MAD1L1: variants seen among roughly 807,000 people sequenced by gnomAD.
The protein encoded by MAD1L1 is mitotic spindle assembly checkpoint protein MAD1.
In MAD1L1, 95 loss-of-function variants were observed where a neutral mutation model predicts 96.9. The observed-to-expected ratio is 0.98, with a 90% CI of 0.83 to 1.16. The LOEUF (loss-of-function observed/expected upper bound fraction) is 1.16. Ranked by LOEUF, MAD1L1 falls within the 50% of genes most tolerant of loss-of-function variation. MAD1L1 has a pLI of 0.00. For synonymous variants in MAD1L1, 473 were observed against 396.6 expected (o/e 1.19, Z -2.29); for missense variants, 1,007 against 954.4 (o/e 1.06, Z -0.73).
At chr7:2,079,271 A>G (rs978458023) in intron 11 of MAD1L1, among the ~76,000 whole-genome samples, 11 of 152,242 alleles carry the variant, frequency 7.2e-5, no homozygotes, top group African/African-American at 2.7e-4. Flanking sequence ...GCCCCAGGAC[A>G]TCAGGCTCAG....
At chr7:2,138,646 C>T (rs912924100) in intron 11 of MAD1L1, among the ~76,000 whole-genome samples, 3 of 152,194 alleles carry the variant, frequency 2.0e-5, no homozygotes, top group Admixed American at 1.3e-4. Context: ...CAGCACCTCA[C>T]TCTGAGAACC....
At chr7:2,008,114 A>C (rs895932744) in intron 13 of MAD1L1, among the ~76,000 whole-genome samples, 1 of 152,340 alleles carries the variant, frequency 6.6e-6, no homozygotes, top group Non-Finnish European at 1.5e-5. Context: ...GGGGGATTTT[A>C]CTGAGTATAA....
intron 12 of MAD1L1, among the ~76,000 whole-genome samples, chr7:2,066,394 C>T (rs945719554): frequency 1.3e-5 from 2 of 152,224 alleles, no homozygotes; most frequent in African/African-American, 2.4e-5. Flanking sequence ...GCTGGCTGGA[C>T]GGATCCTGCA....
chr7:2,069,731 G>C (rs1330638043), intron 11 of MAD1L1, among the ~76,000 whole-genome samples: 2 of 152,210 alleles, frequency 1.3e-5, no homozygotes, highest in African/African-American at 4.8e-5. Context: ...CTGGTTGGGG[G>C]GCCTGTTCTA....
At chr7:2,136,540 G>A (rs758188356) in intron 11 of MAD1L1, among the ~76,000 whole-genome samples, 34 of 152,190 alleles carry the variant, frequency 2.2e-4, no homozygotes, top group Non-Finnish European at 1.2e-4. Flanking sequence ...GCACCAACTC[G>A]AGCTCAGGAT....
At chr7:1,952,450 G>A (rs905378378) in intron 16 of MAD1L1, among the ~76,000 whole-genome samples, 1 of 152,208 alleles carries the variant, frequency 6.6e-6, no homozygotes, top group South Asian at 2.1e-4. Context: ...TTCCTTTCAC[G>A]GACGGGAAGC....
At chr7:2,112,977 G>C (rs1787458942) in intron 11 of MAD1L1, among the ~76,000 whole-genome samples, 1 of 152,208 alleles carries the variant, frequency 6.6e-6, no homozygotes, top group South Asian at 2.1e-4. Context: ...CGAATCCGCA[G>C]AGCACTGGGT....
intron 12 of MAD1L1, among the ~76,000 whole-genome samples, chr7:2,059,887 G>A (rs1042258199): frequency 2.0e-5 from 3 of 152,154 alleles, no homozygotes; most frequent in African/African-American, 4.8e-5. Context: ...AAGACAACAT[G>A]AAAACTGCGT....
chr7:2,126,133 G>A (rs1046729709), intron 11 of MAD1L1, among the ~76,000 whole-genome samples: 7 of 152,222 alleles, frequency 4.6e-5, no homozygotes, highest in African/African-American at 1.4e-4. Context: ...CCTGTGAAGC[G>A]AGGGATGGCA....
At chr7:2,011,719 C>G (rs765396704) in intron 13 of MAD1L1, among the ~76,000 whole-genome samples, 22 of 152,200 alleles carry the variant, frequency 1.4e-4, no homozygotes, top group Non-Finnish European at 2.8e-4. Context: ...TCCACAGACC[C>G]CAGAGGGCAG....
intron 18 of MAD1L1, among the ~76,000 whole-genome samples, chr7:1,819,633 T>TAAGCGCTGGTCCC (rs1483627388): frequency 6.6e-6 from 1 of 152,140 alleles, no homozygotes; most frequent in Non-Finnish European, 1.5e-5. Context: ...CTAGTCTTAC[T>TAAGCGCTGGTCCC]AAGCGCTGGT....
intron 10 of MAD1L1, among the ~76,000 whole-genome samples, chr7:2,210,884 T>C (rs1792905986): frequency 1.3e-5 from 2 of 151,434 alleles, no homozygotes; most frequent in Admixed American, 6.6e-5. Context: ...CACCAGCCCC[T>C]CTCCAACTCA....
chr7:2,031,927 T>C (rs1480750852), intron 12 of MAD1L1, among the ~76,000 whole-genome samples: 1 of 152,262 alleles, frequency 6.6e-6, no homozygotes, highest in Non-Finnish European at 1.5e-5. Context: ...GACGGGTTCC[T>C]TTCCTCTCTA....
At chr7:1,962,110 T>C (rs1272176519) in intron 15 of MAD1L1, among the ~76,000 whole-genome samples, 2 of 152,188 alleles carry the variant, frequency 1.3e-5, no homozygotes, top group African/African-American at 2.4e-5. Flanking sequence ...ATAGGGCGGT[T>C]TCCCCCATAC....
intron 16 of MAD1L1, among the ~76,000 whole-genome samples, chr7:1,937,506 G>A (rs1778678517): frequency 6.6e-6 from 1 of 152,128 alleles, no homozygotes. Context: ...GCTGACCTGT[G>A]GTGGGTGACC....
At chr7:2,066,486 C>T (rs1323853125) in intron 12 of MAD1L1, among the ~76,000 whole-genome samples, 1 of 152,252 alleles carries the variant, frequency 6.6e-6, no homozygotes, top group Non-Finnish European at 1.5e-5. Context: ...CGATCAATAC[C>T]CACCTTCTTG....
chr7:1,959,147 G>C (rs902725681), intron 15 of MAD1L1, among the ~76,000 whole-genome samples: 1 of 152,284 alleles, frequency 6.6e-6, no homozygotes, highest in Non-Finnish European at 1.5e-5. Context: ...AGCTCCTCAG[G>C]AGGCTGAGGC....
At chr7:2,199,069 T>C (rs577843313) in intron 10 of MAD1L1, among the ~76,000 whole-genome samples, 1 of 152,322 alleles carries the variant, frequency 6.6e-6, no homozygotes, top group South Asian at 2.1e-4. Flanking sequence ...CAGAGTGCAC[T>C]GGGGCCTGTA....
chr7:1,863,801 G>A (rs756574560), intron 18 of MAD1L1, among the ~76,000 whole-genome samples: 6 of 152,166 alleles, frequency 3.9e-5, no homozygotes, highest in Admixed American at 2.0e-4. Context: ...AGAAAGCCCC[G>A]AGGAAGGCCA....
Sources: gnomAD v4.1 joint callset for allele counts (sites outside exome capture counted in the v4.1 genomes callset) on GRCh38, gnomAD v4.1.1 for gene constraint, MANE v1.5 for transcripts, NCBI Gene and HGNC (gene_info 2026-07-23, HGNC 2026-07-21) for gene names.